AFM: variants seen among roughly 807,000 people sequenced by gnomAD.
AFM encodes the protein afamin.
AFM carries 82 observed loss-of-function variants against 68.7 expected under a neutral mutation model. The ratio of observed to expected loss-of-function variants is 1.19; its 90% CI spans 1.00 to 1.43. The LOEUF is 1.43. Among genes scored for constraint, AFM ranks in the 40% most tolerant of loss-of-function variants. The pLI is 0.00. For synonymous variants in AFM, 250 were observed against 234.2 expected (o/e 1.07, Z -0.61); for missense variants, 772 against 701.8 (o/e 1.10, Z -1.13).
At chr4:73,501,968 A>T in intron 13 of AFM, 49 bp downstream of exon 13, 1 of 1,597,012 alleles carries the variant, frequency 6.3e-7, no homozygotes, top group Non-Finnish European at 8.5e-7. Context: ...TCCTGGTCAA[A>T]TAAAATAAAA....
chr4:73,495,538 T>G (rs1254509034), intron 9 of AFM, 106 bp downstream of exon 9: 15 of 1,345,752 alleles, frequency 1.1e-5, no homozygotes, highest in Non-Finnish European at 1.4e-5. Flanking sequence ...AAAATGTGAT[T>G]GGCTAATCTG....
At chr4:73,502,340 TAGAA>T (rs1721442730) in intron 13 of AFM, among the ~76,000 whole-genome samples, 1 of 152,176 alleles carries the variant, frequency 6.6e-6, no homozygotes, top group African/African-American at 2.4e-5. Flanking sequence ...GGAAGGGTAT[TAGAA>T]AGTGAAGTCT....
chr4:73,499,275 CTT>C (rs67050083), intron 11 of AFM, 29 bp downstream of exon 11: 17,954 of 1,200,384 alleles, frequency 0.015, 2 homozygotes, highest in South Asian at 0.028. Context: ...CCAGACTACT[CTT>C]TTTTTTTTTT....
chr4:73,498,278 G>GTTA (rs1475022822), intron 10 of AFM, among the ~76,000 whole-genome samples: 3 of 150,570 alleles, frequency 2.0e-5, no homozygotes, highest in African/African-American at 7.4e-5. Context: ...TATTATTATT[G>GTTA]TTATTATTAT....
intron 11 of AFM, 105 bp from the exon 12 acceptor site, chr4:73,499,899 G>T (rs1721379284): frequency 2.1e-6 from 2 of 943,204 alleles, no homozygotes; most frequent in Admixed American, 2.0e-5. Flanking sequence ...TATGAGTGAG[G>T]TTAACAGTGA....
chr4:73,486,863 C>T, intron 4 of AFM, 104 bp from the exon 5 acceptor site: 2 of 1,134,058 alleles, frequency 1.8e-6, no homozygotes, highest in Non-Finnish European at 2.5e-6. Context: ...CTTTTCCTTC[C>T]CATCTTACCC....
At chr4:73,482,808 T>G (rs1720750475) in intron 1 of AFM, among the ~76,000 whole-genome samples, 1 of 152,166 alleles carries the variant, frequency 6.6e-6, no homozygotes, top group Non-Finnish European at 1.5e-5. Context: ...CTTTCTACCT[T>G]TTTCTATTTG....
chr4:73,502,317 A>G (rs1443283165), intron 13 of AFM, among the ~76,000 whole-genome samples: 1 of 152,192 alleles, frequency 6.6e-6, no homozygotes, highest in Non-Finnish European at 1.5e-5. Context: ...ACAGCTCCAA[A>G]TGGAGCAGAG....
At position 73,500,275 on chromosome 4, in the gene AFM, A is replaced by G. The variant is rs371909943; in HGVS notation, c.1646+48A>G. On this transcript the variant is annotated intron_variant, in intron 12 of 14. Transcript: ENST00000226355. ...TTCTTTTTCTTTGGTTTGAAGACAC[A>G]CCATGTATTAGTGAGAAGGTTTATC... The G allele has an allele frequency of 7.0e-5, 103 of 1,477,754 alleles. No individual in the cohort carries two copies. In the African/African-American group the frequency reaches 1.2e-3, roughly 18 times the overall value. 91.5% of individuals were successfully genotyped at this position (1,477,754 alleles called of 1,614,324 possible).
At chr4:73,500,264 T>C (rs1295321851) in intron 12 of AFM, 37 bp downstream of exon 12, 10 of 1,529,854 alleles carry the variant, frequency 6.5e-6, no homozygotes, top group Non-Finnish European at 8.9e-6. Flanking sequence ...TTTTCTTTGG[T>C]TTGAAGACAC....
chr4:73,485,913 C>T lies in AFM; in HGVS notation c.322C>T (p.His108Tyr). 1 of 1,614,046 alleles carries T rather than the reference C, an allele frequency of 6.2e-7. No homozygotes were observed. Among genetic ancestry groups the T allele is most frequent in the Non-Finnish European group, 8.5e-7 (1 of 1,179,966 alleles). Residue 108 changes from histidine to tyrosine, a missense_variant, in exon 4 of 15, where the codon CAT (histidine) becomes TAT (tyrosine). Coordinates refer to ENST00000226355, the MANE Select transcript of AFM (RefSeq NM_001133.2). ...TGCTATGGAGGGGCTGCCACAAAAG[C>T]ATAATTTCTCACACTGCTGCAGTAA... ...ICAMEGLPQK[H>Y]NFSHCCSKVD... is the part of the protein sequence containing the mutation.
In AFM at chr4:73,484,392, T is replaced by C. The variant is rs773855757; in HGVS notation, c.270+2T>C. On this transcript the variant is annotated splice_donor_variant, in intron 3 of 14. Coordinates refer to ENST00000226355, the MANE Select transcript of AFM (RefSeq NM_001133.2). LOFTEE classifies it high-confidence loss of function. ...CTCCCAGAGTGTTCAAAATTACCTG[T>C]AAGTAAATTGCTTGTGTTTCTTTTC... The C allele has an allele frequency of 6.5e-7, 1 of 1,539,368 alleles. No homozygotes were observed. Among genetic ancestry groups the C allele is most frequent in the South Asian group, 1.3e-5 (1 of 76,078 alleles).
At chr4:73,503,759 T>C (rs1239537295) in intron 14 of AFM, 117 bp from the exon 15 acceptor site, 1 of 152,126 alleles carries the variant, frequency 6.6e-6, no homozygotes, top group African/African-American at 2.4e-5. Context: ...GGTTGGGATT[T>C]ACAAGGGACA....
chr4:73,484,450 C>CTTTCTTTA, intron 3 of AFM, 60 bp downstream of exon 3: 1 of 327,186 alleles, frequency 3.1e-6, no homozygotes, highest in South Asian at 7.8e-5. Flanking sequence ...CTCTTTCTTT[C>CTTTCTTTA]TTTCTTTCTT....
chr4:73,501,052 A>C (rs1285689621), intron 12 of AFM, among the ~76,000 whole-genome samples: 1 of 152,100 alleles, frequency 6.6e-6, no homozygotes, highest in Non-Finnish European at 1.5e-5. Flanking sequence ...TTATTACTTA[A>C]AATAATTACT....
intron 13 of AFM, among the ~76,000 whole-genome samples, chr4:73,502,365 G>A (rs111556489): frequency 2.0e-5 from 3 of 152,276 alleles, no homozygotes; most frequent in African/African-American, 7.2e-5. Context: ...TTCAGGAGTG[G>A]CTGTCTCACT....
At chr4:73,485,055 C>G (rs765254282) in intron 3 of AFM, among the ~76,000 whole-genome samples, 7 of 152,102 alleles carry the variant, frequency 4.6e-5, no homozygotes, top group Non-Finnish European at 8.8e-5. Flanking sequence ...ACAGTATGCC[C>G]TATATGTTCA....
intron 7 of AFM, among the ~76,000 whole-genome samples, chr4:73,490,442 G>A (rs1395736921): frequency 1.3e-5 from 2 of 151,938 alleles, no homozygotes; most frequent in Non-Finnish European, 1.5e-5. Flanking sequence ...TTTTTGAGAC[G>A]GAGTCTGGCT....
chr4:73,484,185 C>T, intron 2 of AFM, 73 bp from the exon 3 acceptor site: 1 of 1,518,972 alleles, frequency 6.6e-7, no homozygotes, highest in Non-Finnish European at 8.8e-7. Flanking sequence ...TCAGGATGTT[C>T]CTGTGACTTT....
Sources: gnomAD v4.1 joint callset for allele counts (sites outside exome capture counted in the v4.1 genomes callset) on GRCh38, gnomAD v4.1.1 for gene constraint, MANE v1.5 for transcripts, NCBI Gene and HGNC (gene_info 2026-07-23, HGNC 2026-07-21) for gene names.